The following ZNF98 variants were observed in gnomAD, a reference collection of about 807,000 sequenced individuals.
ZNF98 encodes zinc finger protein 739.
Under a neutral mutation model 12.8 loss-of-function variants are expected in ZNF98, and 8 were observed. That is an observed-to-expected ratio of 0.63 (90% confidence interval 0.37 to 1.13). The LOEUF (loss-of-function observed/expected upper bound fraction) is 1.13, where lower values mean the gene tolerates loss of function less well. Ranked by LOEUF, ZNF98 falls within the 50% of genes most tolerant of loss-of-function variation. The pLI is 0.01. For synonymous variants in ZNF98, 112 were observed against 223.5 expected, an observed-to-expected ratio of 0.50 and a Z score of 4.45; for missense variants, 379 against 666.1, an observed-to-expected ratio of 0.57 and a Z score of 4.74.
intron 1 of ZNF98, among the ~76,000 whole-genome samples, chr19:22,408,502 T>C (rs1361678293): frequency 2.0e-5 from 3 of 152,150 alleles, no homozygotes; most frequent in East Asian, 1.9e-4. Context: ...GAAGTCAAAT[T>C]GTCTCTGTTT....
intron 1 of ZNF98, among the ~76,000 whole-genome samples, chr19:22,415,122 T>C (rs1241867968): frequency 1.3e-5 from 2 of 148,184 alleles, no homozygotes; most frequent in African/African-American, 5.0e-5. Flanking sequence ...AACAAGCATA[T>C]AAAAAATGCT....
chr19:22,394,907 C>G (rs12978477), intron 3 of ZNF98, among the ~76,000 whole-genome samples: 54,258 of 151,956 alleles, frequency 0.36, 11,040 homozygotes, highest in Non-Finnish European at 0.46. Flanking sequence ...TTTGGTGGCT[C>G]AAACCTGTAA....
At chr19:22,408,224 G>C (rs1969543705) in intron 1 of ZNF98, among the ~76,000 whole-genome samples, 1 of 152,126 alleles carries the variant, frequency 6.6e-6, no homozygotes, top group Non-Finnish European at 1.5e-5. Context: ...ATGCAGAAAA[G>C]GCCTTTGATA....
chr19:22,402,452 T>C, intron 3 of ZNF98: 1 of 405,924 alleles, frequency 2.5e-6, no homozygotes, highest in Non-Finnish European at 4.3e-6. Flanking sequence ...TAACATAGAG[T>C]TTCTCAAAAT....
intron 3 of ZNF98, among the ~76,000 whole-genome samples, chr19:22,397,066 C>A (rs1182601466): frequency 6.6e-6 from 1 of 151,710 alleles, no homozygotes; most frequent in Admixed American, 6.6e-5. Flanking sequence ...TTGCAGTGAG[C>A]CGAGATCACA....
chr19:22,395,178 G>GAAAAAAAAAAAAA (rs71180538), intron 3 of ZNF98, among the ~76,000 whole-genome samples: 32 of 99,662 alleles, frequency 3.2e-4, no homozygotes, highest in Non-Finnish European at 4.7e-4. Context: ...GTTTCAAAAA[G>GAAAAAAAAAAAAA]AAAAAAAAAA....
chr19:22,407,272 G>C (rs185409868), intron 1 of ZNF98, among the ~76,000 whole-genome samples: 1 of 151,922 alleles, frequency 6.6e-6, no homozygotes, highest in Non-Finnish European at 1.5e-5. Flanking sequence ...GGCCAGGTTG[G>C]TTTCGAACTC....
intron 1 of ZNF98, among the ~76,000 whole-genome samples, chr19:22,413,002 G>A (rs1320340136): frequency 2.0e-5 from 3 of 152,014 alleles, no homozygotes; most frequent in Non-Finnish European, 4.4e-5. Context: ...GCAGTGAGCC[G>A]AGATTGCACC....
chr19:22,401,934 T>G (rs965926477), intron 3 of ZNF98, among the ~76,000 whole-genome samples: 1 of 150,852 alleles, frequency 6.6e-6, no homozygotes, highest in South Asian at 2.1e-4. Flanking sequence ...CCTAGCACTT[T>G]GGGAGGCCAA....
intron 3 of ZNF98, among the ~76,000 whole-genome samples, chr19:22,401,951 C>T (rs1218323352): frequency 9.4e-5 from 14 of 149,600 alleles, no homozygotes. Context: ...CCAAGGCAGG[C>T]GGATCACAAG....
At chr19:22,401,094 T>C (rs979306196) in intron 3 of ZNF98, among the ~76,000 whole-genome samples, 1 of 142,090 alleles carries the variant, frequency 7.0e-6, no homozygotes, top group African/African-American at 2.8e-5. Context: ...TGGAAGTATG[T>C]GGAATAAGTA....
chr19:22,398,060 C>T (rs868009007), intron 3 of ZNF98, among the ~76,000 whole-genome samples: 911 of 150,880 alleles, frequency 6.0e-3, no homozygotes, highest in African/African-American at 0.02. Context: ...AGGCAAATTT[C>T]GGTCACCAAA....
intron 1 of ZNF98, among the ~76,000 whole-genome samples, chr19:22,406,412 A>G (rs911954441): frequency 2.0e-5 from 3 of 152,106 alleles, no homozygotes; most frequent in Admixed American, 6.6e-5. Context: ...AAAAAAAACA[A>G]ACAGAAATGA....
chr19:22,398,076 C>T (rs553292060), intron 3 of ZNF98, among the ~76,000 whole-genome samples: 4 of 151,596 alleles, frequency 2.6e-5, no homozygotes, highest in Non-Finnish European at 5.9e-5. Flanking sequence ...CCAAATCGTT[C>T]AGCAGATATA....
At chr19:22,416,066 C>G (rs2145122301) in intron 1 of ZNF98, among the ~76,000 whole-genome samples, 1 of 150,714 alleles carries the variant, frequency 6.6e-6, no homozygotes, top group African/African-American at 2.4e-5. Context: ...ACAGCTTGAA[C>G]CCGGGAGGCA....
intron 3 of ZNF98, among the ~76,000 whole-genome samples, chr19:22,393,754 C>T (rs1425408895): frequency 2.6e-5 from 4 of 152,092 alleles, no homozygotes; most frequent in African/African-American, 7.2e-5. Flanking sequence ...CTAGACAATA[C>T]CATTCAGGAC....
chr19:22,411,370 A>G (rs1969578756), intron 1 of ZNF98, among the ~76,000 whole-genome samples: 1 of 152,186 alleles, frequency 6.6e-6, no homozygotes. Flanking sequence ...TCAGCCTGCA[A>G]ATAATTACCT....
intron 3 of ZNF98, among the ~76,000 whole-genome samples, chr19:22,394,991 A>G (rs1340791070): frequency 1.3e-5 from 2 of 151,904 alleles, no homozygotes; most frequent in East Asian, 3.9e-4. Flanking sequence ...TTGGCAACAT[A>G]GTGAAACCCT....
chr19:22,396,203 T>A (rs1296760457), intron 3 of ZNF98, among the ~76,000 whole-genome samples: 7 of 152,138 alleles, frequency 4.6e-5, no homozygotes, highest in African/African-American at 1.7e-4. Flanking sequence ...ATTATAAACA[T>A]CTGTTAATGA....
Sources: allele counts gnomAD v4.1 joint callset (sites outside exome capture counted in the v4.1 genomes callset), GRCh38; gene constraint gnomAD v4.1.1; transcripts MANE v1.5; gene names NCBI Gene and HGNC (gene_info 2026-07-23, HGNC 2026-07-21).